The following XPO1 variants were observed in gnomAD, a reference collection of about 807,000 sequenced individuals.
XPO1 encodes exportin 1, also known as exportin-1.
XPO1 carries 5 observed loss-of-function variants against 133.3 expected under a neutral mutation model. That is an observed-to-expected ratio of 0.04 (90% CI 0.02 to 0.08). XPO1 has a LOEUF of 0.08. Ranked by LOEUF, XPO1 falls within the 10% of genes least tolerant of loss-of-function variation. The pLI is 1.00. For synonymous variants in XPO1, 419 were observed against 408.2 expected (o/e 1.03, Z -0.32); for missense variants, 506 against 1,267.5 (o/e 0.40, Z 9.12).
chr2:61,536,632 G>A (rs962362555), intron 1 of XPO1: 1 of 152,236 alleles, frequency 6.6e-6, no homozygotes, highest in African/African-American at 2.4e-5. Context: ...CACCTCATTA[G>A]GGCCCGCCCT....
chr2:61,508,461 C>A (rs909723467), intron 4 of XPO1, among the ~76,000 whole-genome samples: 1 of 152,104 alleles, frequency 6.6e-6, no homozygotes, highest in Non-Finnish European at 1.5e-5. Flanking sequence ...AATAAAAACA[C>A]AGCAATATCA....
intron 24 of XPO1, among the ~76,000 whole-genome samples, chr2:61,479,527 C>G (rs1369226075): frequency 6.6e-6 from 1 of 152,144 alleles, no homozygotes; most frequent in African/African-American, 2.4e-5. Context: ...GCATTGTATG[C>G]TTCTACCGAA....
intron 4 of XPO1, among the ~76,000 whole-genome samples, chr2:61,514,050 G>A (rs779775015): frequency 2.0e-5 from 3 of 152,028 alleles, no homozygotes; most frequent in East Asian, 3.9e-4. Flanking sequence ...AGCAGGGCGT[G>A]GTGGTGCATA....
chr2:61,520,855 A>T (rs530773189), intron 4 of XPO1, among the ~76,000 whole-genome samples: 2 of 152,310 alleles, frequency 1.3e-5, no homozygotes, highest in South Asian at 2.1e-4. Flanking sequence ...GACAGAAGTA[A>T]ATCACCTTTT....
At chr2:61,518,759 C>CA (rs1311974800) in intron 4 of XPO1, among the ~76,000 whole-genome samples, 1 of 152,026 alleles carries the variant, frequency 6.6e-6, no homozygotes, top group African/African-American at 2.4e-5. Flanking sequence ...GTGTGAGGGA[C>CA]AAAACACATA....
rs780698176 is a variant in XPO1 at position 61,492,476 on chromosome 2, T to A, written c.1572A>T (p.Leu524=). 1 of 1,590,828 alleles carries A rather than the reference T, an allele frequency of 6.3e-7. No homozygotes were observed. Among genetic ancestry groups the A allele is most frequent in the East Asian group, 2.2e-5 (1 of 44,770 alleles). ...KRFLVTVIKD[L]LGLCEQKRGK... ...CTCTTTTCTGTTCACATAATCCTAATAGATCCTGTAAATAAGACAAATTTG... is the reference window on the plus strand; with the variant it reads ...CTCTTTTCTGTTCACATAATCCTAAAAGATCCTGTAAATAAGACAAATTTG... The change falls in exon 15 of 25, where the codon CTA becomes CTT. Residue 524 remains leucine, a synonymous_variant. Transcript: ENST00000401558. This position sits in a 1 kb window ranked among gnomAD's most constrained non-coding sequence, Gnocchi z 5.6.
In XPO1 at chr2:61,493,896, T is replaced by C. The variant is rs762335164; in HGVS notation, c.1243A>G (p.Lys415Glu). 6.2e-7 allele frequency: 1 copy of C among 1,614,080 alleles called. No individual in the cohort carries two copies. The highest frequency in any genetic ancestry group is 1.1e-5 in the South Asian group (1 of 91,068). ...RRQLYLPMLFKVRLLMVSRMA... is the reference protein window; with the variant it reads ...RRQLYLPMLFEVRLLMVSRMA... ...CACTCAACCAACCGCTCTGTTACCT[T>C]GAATAACATGGGCAAATATAGCTGT... is the stretch of plus-strand genomic sequence containing the variant. Residue 415 changes from lysine (K) to glutamate (E), a missense_variant and splice_region_variant, in exon 12 of 25, where the codon AAG (lysine) becomes GAG (glutamate). This residue lies in a region of XPO1 where 134 missense variants were observed against 261.6 expected (regional missense o/e 0.51). Coordinates refer to ENST00000401558, the MANE Select transcript of XPO1 (RefSeq NM_003400.4).
At chr2:61,515,822 G>A (rs899371348) in intron 4 of XPO1, among the ~76,000 whole-genome samples, 27 of 151,190 alleles carry the variant, frequency 1.8e-4, no homozygotes, top group African/African-American at 5.6e-4. Flanking sequence ...GGTGGCTCAC[G>A]CCTGTAATCC....
At chr2:61,537,328 T>G (rs1182355540) in intron 1 of XPO1, among the ~76,000 whole-genome samples, 1 of 150,742 alleles carries the variant, frequency 6.6e-6, no homozygotes, top group Non-Finnish European at 1.5e-5. Context: ...CACACGCGAA[T>G]GACCCAGCAA....
chr2:61,531,238 C>T (rs1699141998), intron 2 of XPO1, among the ~76,000 whole-genome samples: 1 of 152,176 alleles, frequency 6.6e-6, no homozygotes, highest in African/African-American at 2.4e-5. Flanking sequence ...CTTGTTTCTT[C>T]ATTTATAATA....
intron 4 of XPO1, among the ~76,000 whole-genome samples, chr2:61,514,532 GCAGT>G (rs1386560780): frequency 1.3e-5 from 2 of 151,178 alleles, no homozygotes; most frequent in East Asian, 3.9e-4. Context: ...AACAGAGGTT[GCAGT>G]CAGCCGAGAT....
intron 9 of XPO1, 117 bp from the exon 10 acceptor site, chr2:61,497,124 A>T: frequency 7.7e-7 from 1 of 1,301,678 alleles, no homozygotes; most frequent in Non-Finnish European, 1.0e-6. Flanking sequence ...AGATGTCAAA[A>T]ACAGGCCAAG....
At chr2:61,483,894 T>C (rs1696540029) in intron 21 of XPO1, 43 bp downstream of exon 21, 1 of 1,589,098 alleles carries the variant, frequency 6.3e-7, no homozygotes, top group African/African-American at 1.4e-5. Context: ...ATTTGTATTT[T>C]TGGATTGGCA....
chr2:61,506,364 A>G (rs1367036740), intron 4 of XPO1, among the ~76,000 whole-genome samples: 1 of 152,208 alleles, frequency 6.6e-6, no homozygotes, highest in African/African-American at 2.4e-5. Context: ...TGGACAATGC[A>G]GTGAGCTGAG....
At chr2:61,491,426 G>C (rs1379309850) in intron 16 of XPO1, among the ~76,000 whole-genome samples, 1 of 149,676 alleles carries the variant, frequency 6.7e-6, no homozygotes, top group East Asian at 1.9e-4. Context: ...ACTCCAGCAT[G>C]GACGACAGAG....
rs572144801 is a variant in XPO1, at chr2:61,486,480, G to A, written c.2314-518C>T. Among the ~76,000 whole-genome samples, 21 of 152,054 alleles carry A rather than the reference G, an allele frequency of 1.4e-4. No homozygotes were observed. The South Asian group carries it at 3.1e-3, about 23-fold the overall frequency. ...AATACTGTCTTTTTATTTTTGAGAC[G>A]GAGTCTTGCTCTGTCGCCCAGGCTG... On this transcript the variant is annotated intron_variant, in intron 19 of 24. Coordinates refer to ENST00000401558, the MANE Select transcript of XPO1 (RefSeq NM_003400.4).
chr2:61,497,714 T>C (rs536306358), intron 9 of XPO1, among the ~76,000 whole-genome samples: 1 of 152,314 alleles, frequency 6.6e-6, no homozygotes, highest in East Asian at 1.9e-4. Context: ...TATTCTATTG[T>C]TGAGAAGATA....
intron 1 of XPO1, 125 bp from the exon 2 acceptor site, chr2:61,534,028 A>G: frequency 5.2e-6 from 5 of 968,590 alleles, no homozygotes; most frequent in Non-Finnish European, 6.8e-6. Flanking sequence ...AGAGACTTTA[A>G]TTACAGAAAA....
chr2:61,479,006 TCAACTTG>T, intron 24 of XPO1, 40 bp from the exon 25 acceptor site: 2 of 1,589,108 alleles, frequency 1.3e-6, no homozygotes, highest in Non-Finnish European at 1.7e-6. Flanking sequence ...GCAATAAACT[TCAACTTG>T]CAAAGAAAGA....
Sources: gnomAD v4.1 joint callset for allele counts (sites outside exome capture counted in the v4.1 genomes callset) on GRCh38, gnomAD v4.1.1 for gene constraint, gnomAD v4.1.1 regional missense constraint, Gnocchi (gnomAD v3.1) non-coding constraint, MANE v1.5 for transcripts, NCBI Gene and HGNC (gene_info 2026-07-23, HGNC 2026-07-21) for gene names.